DNAH9: variants seen among roughly 807,000 people sequenced by gnomAD.
DNAH9 encodes the protein DNAH9 variant protein.
DNAH9 carries 345 observed loss-of-function variants against 471.6 expected under a neutral mutation model. The ratio of observed to expected loss-of-function variants is 0.73; its 90% CI spans 0.67 to 0.80. The LOEUF is 0.80. Among genes scored for constraint, DNAH9 ranks in the 30% least tolerant of loss-of-function variants. DNAH9 has a pLI of 0.00. For missense variants in DNAH9, 5,407 were observed against 5,609.2 expected (o/e 0.96, Z 1.15); for synonymous variants, 2,093 against 2,123.6 (o/e 0.99, Z 0.40).
intron 38 of DNAH9, among the ~76,000 whole-genome samples, chr17:11,778,329 C>CAAAAAAAA (rs57983162): frequency 2.4e-3 from 115 of 48,622 alleles, no homozygotes; most frequent in South Asian, 6.1e-3. Context: ...GACTCCATCT[C>CAAAAAAAA]AAAAAAAAAA....
chr17:11,704,962 T>C (rs996997531), intron 25 of DNAH9, 63 bp from the exon 26 acceptor site: 5 of 1,420,670 alleles, frequency 3.5e-6, no homozygotes, highest in Non-Finnish European at 4.0e-6. Context: ...CCTATGTGTC[T>C]TGTGGCCAAG....
intron 63 of DNAH9, among the ~76,000 whole-genome samples, 168 bp from the exon 64 acceptor site, chr17:11,931,846 C>T (rs1002831697): frequency 1.3e-5 from 2 of 152,160 alleles, no homozygotes; most frequent in African/African-American, 4.8e-5. Context: ...CTCAGCTAAC[C>T]TGACCCTTCC....
intron 24 of DNAH9, among the ~76,000 whole-genome samples, chr17:11,701,656 TTTG>T (rs1281784361): frequency 7.9e-5 from 12 of 151,776 alleles, no homozygotes; most frequent in African/African-American, 9.7e-5. Context: ...TGACTGGTGT[TTTG>T]TTGTTGTTGT....
At chr17:11,606,094 T>G (rs1390707151) in intron 1 of DNAH9, among the ~76,000 whole-genome samples, 1 of 152,220 alleles carries the variant, frequency 6.6e-6, no homozygotes, top group Non-Finnish European at 1.5e-5. Context: ...AACATGAATG[T>G]GATAAAGCTT....
rs192693819 is a variant in DNAH9 at position 11,682,530 on chromosome 17, G to C, written c.3743+1641G>C. Among the ~76,000 whole-genome samples the C allele has an allele frequency of 1.6e-4, 25 of 152,032 alleles. No individual in the cohort carries two copies. The South Asian group carries it at 2.3e-3, about 14-fold the overall frequency. The stretch of plus-strand genomic sequence containing the variant: ...TGCTATCTCCCAAGCATTATACTTG[G>C]GGTAACAGAGAATAAGATGAGTAGG... On this transcript the variant is annotated intron_variant, in intron 19 of 68. Transcript: ENST00000262442.
intron 49 of DNAH9, among the ~76,000 whole-genome samples, chr17:11,845,853 G>GT (rs1971204656): frequency 7.0e-6 from 1 of 141,960 alleles, no homozygotes; most frequent in African/African-American, 2.7e-5. Flanking sequence ...TGATGGGGTT[G>GT]TTTTTTTCTT....
intron 8 of DNAH9, among the ~76,000 whole-genome samples, chr17:11,633,874 A>G (rs1050082125): frequency 6.6e-6 from 1 of 152,228 alleles, no homozygotes; most frequent in East Asian, 1.9e-4. Flanking sequence ...AGTCTTTGAA[A>G]TCACGACATC....
intron 37 of DNAH9, 41 bp from the exon 38 acceptor site, chr17:11,769,081 T>C (rs750517570): frequency 6.2e-7 from 1 of 1,607,768 alleles, no homozygotes; most frequent in Non-Finnish European, 8.5e-7. Flanking sequence ...TGTTTCTCCC[T>C]AGAGCCCACC....
chr17:11,907,550 A>T (rs1463269437), intron 61 of DNAH9, among the ~76,000 whole-genome samples: 1 of 151,954 alleles, frequency 6.6e-6, no homozygotes, highest in East Asian at 1.9e-4. Flanking sequence ...TCATGGCCTG[A>T]ACTAGTTTTT....
chr17:11,640,046 AG>A (rs2073240838), intron 9 of DNAH9, among the ~76,000 whole-genome samples: 1 of 152,180 alleles, frequency 6.6e-6, no homozygotes, highest in African/African-American at 2.4e-5. Context: ...AAATCAGAAT[AG>A]CTTGGGCATG....
At chr17:11,728,740 T>A (rs527367872) in intron 28 of DNAH9, among the ~76,000 whole-genome samples, 3 of 152,120 alleles carry the variant, frequency 2.0e-5, no homozygotes, top group African/African-American at 4.8e-5. Context: ...TTTGTTGAAA[T>A]TCTGTACCAG....
At chr17:11,794,911 CAG>C (rs945482735) in intron 42 of DNAH9, among the ~76,000 whole-genome samples, 1 of 113,542 alleles carries the variant, frequency 8.8e-6, no homozygotes, top group African/African-American at 3.5e-5. Context: ...ACATCACACA[CAG>C]GGGCCTGTTG....
chr17:11,857,191 T>C (rs1240154342), intron 50 of DNAH9, among the ~76,000 whole-genome samples: 2 of 152,226 alleles, frequency 1.3e-5, no homozygotes, highest in African/African-American at 4.8e-5. Context: ...GTTTATACCT[T>C]TTCAGTAGCC....
intron 65 of DNAH9, among the ~76,000 whole-genome samples, chr17:11,935,411 T>G (rs1974675002): frequency 6.6e-6 from 1 of 150,906 alleles, no homozygotes; most frequent in African/African-American, 2.4e-5. Context: ...AGTCTCACTC[T>G]GTCACCCAGG....
intron 52 of DNAH9, among the ~76,000 whole-genome samples, chr17:11,872,511 TC>T (rs1972308281): frequency 6.6e-6 from 1 of 152,090 alleles, no homozygotes; most frequent in Non-Finnish European, 1.5e-5. Flanking sequence ...CACAAATACT[TC>T]CTGTGTATTT....
intron 52 of DNAH9, among the ~76,000 whole-genome samples, chr17:11,872,617 C>T (rs969691494): frequency 3.3e-5 from 5 of 152,134 alleles, no homozygotes; most frequent in African/African-American, 1.2e-4. Flanking sequence ...GGAGATTAGG[C>T]TCATAGAAGT....
At chr17:11,709,339 A>C (rs114070527) in intron 26 of DNAH9, among the ~76,000 whole-genome samples, 1,660 of 152,340 alleles carry the variant, frequency 0.011, 34 homozygotes, top group African/African-American at 0.038. Flanking sequence ...CTGAATACTT[A>C]TATGGCAAAT....
chr17:11,901,525 G>A (rs1046097770), intron 59 of DNAH9, among the ~76,000 whole-genome samples: 2 of 151,978 alleles, frequency 1.3e-5, no homozygotes, highest in Non-Finnish European at 2.9e-5. Flanking sequence ...GTGAAACCCC[G>A]TCTCTACTAA....
intron 49 of DNAH9, among the ~76,000 whole-genome samples, chr17:11,842,183 T>TA (rs1266105215): frequency 6.6e-6 from 1 of 152,188 alleles, no homozygotes; most frequent in Non-Finnish European, 1.5e-5. Flanking sequence ...AAGTGATAGA[T>TA]ATAGCACAAG....
Sources: allele counts gnomAD v4.1 joint callset (sites outside exome capture counted in the v4.1 genomes callset), GRCh38; gene constraint gnomAD v4.1.1; transcripts MANE v1.5; gene names NCBI Gene and HGNC (gene_info 2026-07-23, HGNC 2026-07-21).